Variants in NFIA observed in about 807,000 individuals in gnomAD.
NFIA encodes the protein nuclear factor 1 A-type.
Under a neutral mutation model 62.8 loss-of-function variants are expected in NFIA, and 8 were observed. The ratio of observed to expected loss-of-function variants is 0.13; its 90% confidence interval spans 0.07 to 0.23. The LOEUF is 0.23. Ranked by LOEUF, NFIA falls within the 10% of genes least tolerant of loss-of-function variation. The pLI is 1.00. For missense variants in NFIA, 410 were observed against 642.1 expected (o/e 0.64, Z 3.91); for synonymous variants, 235 against 238.1 (o/e 0.99, Z 0.12).
rs869046737 is a variant in NFIA, at chr1:61,347,165, C to CTTTTT, written c.701-5263_701-5259dup. Among the ~76,000 whole-genome samples the CTTTTT allele has an allele frequency of 5.4e-4, 38 of 70,140 alleles. 6 individuals are homozygous for CTTTTT. The highest frequency in any genetic ancestry group is 1.4e-3 in the South Asian group (2 of 1,430). 46.0% of individuals were successfully genotyped at this position (70,140 alleles called of 152,430 possible). A position where few individuals can be genotyped will look rare whatever the true frequency, so the allele number is the denominator to read the frequency against. The stretch of plus-strand genomic sequence containing the variant: ...TATTCAGAAACTGTCCTGGATCCCA[C>CTTTTT]TTTTTTTTTTTTTTTTTTTTTTTTT... On this transcript the variant is annotated intron_variant, in intron 4 of 10. Transcript: ENST00000403491.
At chr1:61,367,850 C>A (rs971909174) in intron 6 of NFIA, among the ~76,000 whole-genome samples, 1 of 116,644 alleles carries the variant, frequency 8.6e-6, no homozygotes, top group Non-Finnish European at 2.0e-5. Context: ...AAAGCATGAT[C>A]CAGAAAACTG....
At chr1:61,425,431 C>T (rs1423450555) in intron 9 of NFIA, among the ~76,000 whole-genome samples, 1 of 152,166 alleles carries the variant, frequency 6.6e-6, no homozygotes, top group Non-Finnish European at 1.5e-5. Flanking sequence ...CTAGAGTTAG[C>T]TTAAAAACCT....
intron 2 of NFIA, among the ~76,000 whole-genome samples, chr1:61,148,134 C>G (rs2100516541): frequency 6.6e-6 from 1 of 152,250 alleles, no homozygotes. Flanking sequence ...GCTAACCCAT[C>G]TTGGTATCTC....
At chr1:61,144,886 G>A (rs949833609) in intron 2 of NFIA, among the ~76,000 whole-genome samples, 1 of 149,746 alleles carries the variant, frequency 6.7e-6, no homozygotes, top group African/African-American at 2.5e-5. Context: ...TTTAGCAGAA[G>A]AAAAAAGAAT....
intron 2 of NFIA, among the ~76,000 whole-genome samples, chr1:61,189,619 C>T (rs749503415): frequency 2.6e-5 from 4 of 152,012 alleles, no homozygotes; most frequent in African/African-American, 9.7e-5. Flanking sequence ...GAGCCGAGAT[C>T]GGGCCACTGC....
rs1250895448 is a variant in NFIA at position 61,458,369 on chromosome 1, T to C, written c.*3049T>C. 6.6e-6 allele frequency: 1 copy of C among 152,162 alleles called. No individual in the cohort carries two copies. Among genetic ancestry groups the C allele is most frequent in the Non-Finnish European group, 1.5e-5 (1 of 68,004 alleles). The allele number at this position is 152,162 out of a possible 1,614,324, so 9.4% of individuals were successfully genotyped here. A position where few individuals can be genotyped will look rare whatever the true frequency, so the allele number is the denominator to read the frequency against. The stretch of plus-strand genomic sequence containing the variant: ...GCACCCTTTTTTAAACAAAACAAAC[T>C]AAGCAATAGTTTGGGCAGTTTTAGT... On this transcript the variant is annotated 3_prime_UTR_variant, in exon 11 of 11. Coordinates refer to ENST00000403491, the MANE Select transcript of NFIA (RefSeq NM_001134673.4).
At chr1:61,354,154 TATGA>T (rs1662701617) in intron 5 of NFIA, among the ~76,000 whole-genome samples, 1 of 152,180 alleles carries the variant, frequency 6.6e-6, no homozygotes, top group Non-Finnish European at 1.5e-5. Flanking sequence ...GAAAGCTCAT[TATGA>T]ATGTCATTTA....
intron 2 of NFIA, among the ~76,000 whole-genome samples, chr1:61,228,313 C>T (rs528085570): frequency 1.3e-5 from 2 of 152,216 alleles, no homozygotes; most frequent in African/African-American, 4.8e-5. Flanking sequence ...TCAACAAAGC[C>T]GTGAGCAAGG....
rs17122018 is a variant in NFIA at position 61,371,947 on chromosome 1, A to C, written c.947-11290A>C. 1.2e-3 allele frequency among the ~76,000 whole-genome samples: 178 copies of C among 152,290 alleles called. 5 individuals are homozygous for C. The East Asian group carries it at 0.032, about 27-fold the overall frequency. ...TAAAGTTCATTGCATGAGTAGAAGAAGCCGCAAAAGATGATATATAGCTAG... is the reference window on the plus strand; with the variant it reads ...TAAAGTTCATTGCATGAGTAGAAGACGCCGCAAAAGATGATATATAGCTAG... On this transcript the variant is annotated intron_variant, in intron 6 of 10. Transcript: ENST00000403491.
In NFIA at chr1:61,336,777, A is replaced by C. The variant is rs138665782; in HGVS notation, c.700+4191A>C. Among the ~76,000 whole-genome samples, 22 of 152,236 alleles carry C rather than the reference A, an allele frequency of 1.4e-4. 1 individual carries two copies. The East Asian group carries it at 4.1e-3, about 28-fold the overall frequency. ...GTCCTACAATCTCTGACTGTTTTGC[A>C]GATTTCTTCTTAACCTTCTGTTATC... On this transcript the variant is annotated intron_variant, in intron 4 of 10. Transcript: ENST00000403491.
intron 6 of NFIA, among the ~76,000 whole-genome samples, chr1:61,382,776 G>A (rs1477880317): frequency 6.6e-6 from 1 of 151,984 alleles, no homozygotes; most frequent in Non-Finnish European, 1.5e-5. Context: ...TGCCATTGTT[G>A]AGGGTATTCT....
At chr1:61,277,316 G>C (rs1316838465) in intron 2 of NFIA, among the ~76,000 whole-genome samples, 2 of 152,094 alleles carry the variant, frequency 1.3e-5, no homozygotes, top group African/African-American at 4.8e-5. Flanking sequence ...AAACCGGAGC[G>C]TCCTCTCTAA....
intron 6 of NFIA, among the ~76,000 whole-genome samples, chr1:61,364,386 G>T (rs1663473079): frequency 6.6e-6 from 1 of 152,128 alleles, no homozygotes; most frequent in African/African-American, 2.4e-5. Flanking sequence ...AATAAATATT[G>T]ATTGAATGAA....
At chr1:61,202,455 T>C (rs1210320475) in intron 2 of NFIA, among the ~76,000 whole-genome samples, 4 of 152,218 alleles carry the variant, frequency 2.6e-5, no homozygotes, top group African/African-American at 7.2e-5. Context: ...AGGTACATTT[T>C]TGAGATTTAT....
At chr1:61,107,033 A>G (rs535158665) in intron 2 of NFIA, among the ~76,000 whole-genome samples, 7 of 151,562 alleles carry the variant, frequency 4.6e-5, no homozygotes, top group Non-Finnish European at 1.0e-4. Flanking sequence ...ATAATGTCAT[A>G]TATACTGTAA....
chr1:61,428,545 A>G (rs77736468), intron 10 of NFIA, among the ~76,000 whole-genome samples: 3,548 of 152,162 alleles, frequency 0.023, 61 homozygotes, highest in East Asian at 0.041. Context: ...TTTTCCCCCA[A>G]AAAAAGATAT....
At chr1:61,358,379 C>CTTTCTTTCT (rs71582639) in intron 5 of NFIA, among the ~76,000 whole-genome samples, 2 of 52,616 alleles carry the variant, frequency 3.8e-5, no homozygotes, top group African/African-American at 1.7e-4. Context: ...TTCTTTCTTT[C>CTTTCTTTCT]TTTTTTTTTT....
At chr1:61,300,099 A>AT (rs1216575724) in intron 3 of NFIA, among the ~76,000 whole-genome samples, 3 of 152,014 alleles carry the variant, frequency 2.0e-5, no homozygotes, top group African/African-American at 7.2e-5. Context: ...ATTAAAAAAA[A>AT]TTTTTTTAAC....
At chr1:61,158,246 T>C (rs987046996) in intron 2 of NFIA, among the ~76,000 whole-genome samples, 1 of 152,208 alleles carries the variant, frequency 6.6e-6, no homozygotes, top group African/African-American at 2.4e-5. Flanking sequence ...ATTTTTAAAT[T>C]AGAAAAAACC....
Sources: allele counts gnomAD v4.1 joint callset (sites outside exome capture counted in the v4.1 genomes callset), GRCh38; gene constraint gnomAD v4.1.1; transcripts MANE v1.5; gene names NCBI Gene and HGNC (gene_info 2026-07-23, HGNC 2026-07-21).